The following ATXN2 variants were observed in gnomAD, a reference collection of about 807,000 sequenced individuals.
ATXN2 encodes the protein ataxin-2.
In ATXN2, 37 loss-of-function variants were observed where a neutral mutation model predicts 138.6. The observed-to-expected ratio is 0.27, with a 90% CI of 0.21 to 0.35. ATXN2 has a LOEUF of 0.35. Among genes scored for constraint, ATXN2 ranks in the 10% least tolerant of loss-of-function variants. The pLI is 1.00. For missense variants in ATXN2, 1,216 were observed against 1,480.3 expected (o/e 0.82, Z 2.93); for synonymous variants, 549 against 543.7 (o/e 1.01, Z -0.13).
At chr12:111,599,493 G>A (rs1885159169), upstream of ATXN2, 3 of 1,215,766 alleles carry the variant, frequency 2.5e-6, no homozygotes, top group Non-Finnish European at 2.0e-6. Flanking sequence ...GGACTCCGAG[G>A]AGCTGCGGCC....
intron 1 of ATXN2, among the ~76,000 whole-genome samples, chr12:111,572,482 T>C (rs930256282): frequency 1.3e-5 from 2 of 151,942 alleles, no homozygotes; most frequent in African/African-American, 4.8e-5. Context: ...GCTTTGAAGG[T>C]AGACTCCCTC....
In ATXN2 at chr12:111,452,675, C is replaced by T. The variant is rs1422390964; in HGVS notation, c.*137G>A. 3 of 1,016,602 alleles carry T rather than the reference C, an allele frequency of 3.0e-6. No individual in the cohort carries two copies. The highest frequency in any genetic ancestry group is 2.8e-5 in the South Asian group (2 of 72,726). 63.0% of individuals were successfully genotyped at this position (1,016,602 alleles called of 1,614,324 possible). A position where few individuals can be genotyped will look rare whatever the true frequency, so the allele number is the denominator to read the frequency against. On this transcript the variant is annotated 3_prime_UTR_variant, in exon 25 of 25. Coordinates refer to ENST00000673436, the MANE Select transcript of ATXN2 (RefSeq NM_001372574.1). Reference sequence around the variant, plus strand: ...CCACTGCAAGTGAACTGTTAGCATTCCTATTGGATGTTACAAGAAATCAAC... The same window carrying T: ...CCACTGCAAGTGAACTGTTAGCATTTCTATTGGATGTTACAAGAAATCAAC...
At chr12:111,545,663 G>A (rs1673855691) in intron 5 of ATXN2, among the ~76,000 whole-genome samples, 1 of 152,008 alleles carries the variant, frequency 6.6e-6, no homozygotes. Flanking sequence ...ACTAAAACCA[G>A]AGGAAAAATA....
At chr12:111,557,384 G>A (rs1041456810) in intron 1 of ATXN2, among the ~76,000 whole-genome samples, 4 of 152,158 alleles carry the variant, frequency 2.6e-5, no homozygotes, top group African/African-American at 9.7e-5. Flanking sequence ...TGAATTAAAT[G>A]ACATCTAGGA....
chr12:111,570,867 T>C (rs1252995602), intron 1 of ATXN2, among the ~76,000 whole-genome samples: 1 of 152,174 alleles, frequency 6.6e-6, no homozygotes, highest in Non-Finnish European at 1.5e-5. Context: ...TTAATGAATA[T>C]ACAAACTTAA....
intron 6 of ATXN2, 73 bp downstream of exon 6, chr12:111,525,119 A>G (rs1010524698): frequency 6.6e-6 from 10 of 1,516,600 alleles, no homozygotes; most frequent in African/African-American, 2.8e-5. Context: ...ACAAAAGCAC[A>G]TTTAAATTAC....
chr12:111,536,185 C>T (rs1881163423), intron 5 of ATXN2, among the ~76,000 whole-genome samples: 1 of 151,892 alleles, frequency 6.6e-6, no homozygotes, highest in East Asian at 1.9e-4. Flanking sequence ...ATGTCAATGC[C>T]CAAGATTGAC....
intron 15 of ATXN2, among the ~76,000 whole-genome samples, chr12:111,487,561 A>C (rs1471457532): frequency 6.6e-6 from 1 of 151,976 alleles, no homozygotes; most frequent in African/African-American, 2.4e-5. Context: ...TCTGGGTTCA[A>C]GCAATTCTCC....
At position 111,509,914 on chromosome 12, in the gene ATXN2, C is replaced by G. The variant is rs2135728734; in HGVS notation, c.1841G>C (p.Ser614Thr). The stretch of plus-strand genomic sequence containing the variant: ...ACCTTTGTTTTCAGCTTTTGAGAAG[C>G]TAGGTGATGTTTCATTGGGTTTAAT... Reference protein sequence around the residue: ...ENIKPNETSPSFSKAENKGIS... With the variant: ...ENIKPNETSPTFSKAENKGIS... Residue 614 changes from serine (S) to threonine (T), a missense_variant, in exon 13 of 25, where the codon AGC becomes ACC. Transcript: ENST00000673436. The G allele has an allele frequency of 6.2e-7, 1 of 1,612,328 alleles. No individual in the cohort carries two copies. Among genetic ancestry groups the G allele is most frequent in the East Asian group, 2.2e-5 (1 of 44,730 alleles).
chr12:111,485,691 A>G (rs774920525), intron 17 of ATXN2, 22 bp downstream of exon 17: 1 of 1,612,852 alleles, frequency 6.2e-7, no homozygotes, highest in East Asian at 2.2e-5. Context: ...AGGCTAAGTG[A>G]ACATCAAATT....
chr12:111,476,239 C>T (rs1189740041), intron 18 of ATXN2, among the ~76,000 whole-genome samples: 3 of 152,172 alleles, frequency 2.0e-5, no homozygotes, highest in African/African-American at 7.2e-5. Flanking sequence ...AGGTATGAGC[C>T]ACTGTTCCTG....
chr12:111,592,590 C>G (rs1884724225), intron 1 of ATXN2, among the ~76,000 whole-genome samples: 1 of 151,610 alleles, frequency 6.6e-6, no homozygotes, highest in African/African-American at 2.4e-5. Flanking sequence ...TGAGACCATT[C>G]TAGCCAACAT....
chr12:111,589,964 C>T lies in ATXN2; in HGVS notation c.251+8820G>A, dbSNP rs117520885. Among the ~76,000 whole-genome samples, 139 of 152,188 alleles carry T rather than the reference C, an allele frequency of 9.1e-4. No homozygotes were observed. The East Asian group carries it at 0.02, about 22-fold the overall frequency. ...AGTGGCTCATGCTGTAATCCCAAAA[C>T]TTTGGGAGGCCAAGACAGGCAGATC... is the stretch of plus-strand genomic sequence containing the variant. On this transcript the variant is annotated intron_variant, in intron 1 of 24. Transcript: ENST00000673436.
chr12:111,592,722 G>A (rs2135852174), intron 1 of ATXN2, among the ~76,000 whole-genome samples: 1 of 135,772 alleles, frequency 7.4e-6, no homozygotes, highest in African/African-American at 2.8e-5. Flanking sequence ...GGCAAAGGTT[G>A]CAGTAAGCAG....
At chr12:111,494,148 T>C (rs1878251421) in intron 14 of ATXN2, among the ~76,000 whole-genome samples, 1 of 152,104 alleles carries the variant, frequency 6.6e-6, no homozygotes, top group Admixed American at 6.6e-5. Context: ...TAGGCTGGTC[T>C]CGAACTCCTG....
chr12:111,520,393 C>T (rs1478204696), intron 7 of ATXN2, among the ~76,000 whole-genome samples: 1 of 152,188 alleles, frequency 6.6e-6, no homozygotes. Context: ...TGGCTCACAC[C>T]TGTAATCCCA....
chr12:111,559,643 AC>A (rs1327845215), intron 1 of ATXN2, among the ~76,000 whole-genome samples: 1 of 151,472 alleles, frequency 6.6e-6, no homozygotes, highest in Non-Finnish European at 1.5e-5. Flanking sequence ...GTGGTGGTGC[AC>A]ACCTGTAATC....
At chr12:111,485,569 A>AC (rs1320835061) in intron 17 of ATXN2, 144 bp downstream of exon 17, 1 of 1,071,234 alleles carries the variant, frequency 9.3e-7, no homozygotes, top group East Asian at 2.5e-5. Context: ...ATACTTAACA[A>AC]CACACTGAAT....
In ATXN2 at chr12:111,486,693, G is replaced by A. The variant is rs1592821154; in HGVS notation, c.2304+68C>T. The A allele has an allele frequency of 3.7e-6, 5 of 1,347,648 alleles. No individual in the cohort carries two copies. The East Asian group carries it at 9.2e-5, about 25-fold the overall frequency. 83.5% of individuals were successfully genotyped at this position (1,347,648 alleles called of 1,614,324 possible). ...CAAAATTCAGATGGCAGGTATGGAA[G>A]AAGGACTATTACTAATAATTTTTCT... On this transcript the variant is annotated intron_variant, in intron 16 of 24. Transcript: ENST00000673436.
Sources: gnomAD v4.1 joint callset for allele counts (sites outside exome capture counted in the v4.1 genomes callset) on GRCh38, gnomAD v4.1.1 for gene constraint, MANE v1.5 for transcripts, NCBI Gene and HGNC (gene_info 2026-07-23, HGNC 2026-07-21) for gene names.